ACOXL: variants seen among roughly 807,000 people sequenced by gnomAD.
The protein encoded by ACOXL is acyl-coenzyme A oxidase-like protein.
Under a neutral mutation model 71.9 loss-of-function variants are expected in ACOXL, and 70 were observed. The observed-to-expected ratio is 0.97, with a 90% CI of 0.80 to 1.19. The LOEUF (loss-of-function observed/expected upper bound fraction) is 1.19, where lower values mean the gene tolerates loss of function less well. ACOXL is among the 50% of genes most tolerant of loss of function. The pLI is 0.00. For missense variants in ACOXL, 703 were observed against 736.3 expected, an observed-to-expected ratio of 0.95 and a Z score of 0.52; for synonymous variants, 253 against 281.6, an observed-to-expected ratio of 0.90 and a Z score of 1.02.
chr2:111,056,878 G>A (rs140877105), intron 16 of ACOXL, among the ~76,000 whole-genome samples: 1 of 152,202 alleles, frequency 6.6e-6, no homozygotes, highest in East Asian at 1.9e-4. Context: ...TCTGGACGCA[G>A]CTGGCATGGT....
intron 10 of ACOXL, among the ~76,000 whole-genome samples, chr2:110,886,380 C>CTTTTT (rs751607372): frequency 2.3e-5 from 3 of 131,472 alleles, no homozygotes; most frequent in Non-Finnish European, 3.2e-5. Flanking sequence ...CCTTCTTTTT[C>CTTTTT]TTTTTTTTTT....
intron 15 of ACOXL, among the ~76,000 whole-genome samples, chr2:111,041,520 G>A (rs1558902614): frequency 6.6e-6 from 1 of 152,168 alleles, no homozygotes; most frequent in Non-Finnish European, 1.5e-5. Context: ...ACAGAGCCGG[G>A]CCATGGGGAG....
At chr2:110,913,756 G>A (rs1484707321) in intron 11 of ACOXL, among the ~76,000 whole-genome samples, 1 of 152,112 alleles carries the variant, frequency 6.6e-6, no homozygotes, top group Non-Finnish European at 1.5e-5. Context: ...GTCTCCGGGA[G>A]CTTTTATTCA....
intron 11 of ACOXL, among the ~76,000 whole-genome samples, chr2:110,919,692 A>T (rs1245775628): frequency 6.6e-6 from 1 of 152,094 alleles, no homozygotes; most frequent in Non-Finnish European, 1.5e-5. Flanking sequence ...CCTCCCACCA[A>T]ATTCCCTTGT....
intron 10 of ACOXL, among the ~76,000 whole-genome samples, chr2:110,900,117 AC>A (rs1656814758): frequency 7.5e-6 from 1 of 133,114 alleles, no homozygotes; most frequent in Non-Finnish European, 1.7e-5. Context: ...ACACACACAC[AC>A]ACACACACAC....
chr2:111,113,605 G>C (rs561782643), intron 17 of ACOXL, among the ~76,000 whole-genome samples: 4 of 152,312 alleles, frequency 2.6e-5, no homozygotes, highest in Non-Finnish European at 4.4e-5. Flanking sequence ...CTTGGCAAAG[G>C]CTGGAGTAAC....
rs78593039 is a variant in ACOXL, at chr2:110,939,575, C to T, written c.1059+5933C>T. Among the ~76,000 whole-genome samples, 1,444 of 152,222 alleles carry T rather than the reference C, an allele frequency of 9.5e-3. 12 individuals carry two copies. Among genetic ancestry groups the T allele is most frequent in the Middle Eastern group, 0.051 (15 of 294 alleles). Reference sequence around the variant, plus strand: ...TTCCTCAGCTTATGTAAAATTGTTCCATTATTATAAACAACACTATAGAAA... The same window carrying T: ...TTCCTCAGCTTATGTAAAATTGTTCTATTATTATAAACAACACTATAGAAA... On this transcript the variant is annotated intron_variant, in intron 12 of 17. Coordinates refer to ENST00000439055, the MANE Select transcript of ACOXL (RefSeq NM_001142807.4).
intron 12 of ACOXL, among the ~76,000 whole-genome samples, chr2:110,973,103 G>C (rs2062286289): frequency 6.6e-6 from 1 of 152,210 alleles, no homozygotes; most frequent in Non-Finnish European, 1.5e-5. Context: ...GGTGCCATAA[G>C]ATAAAGCATA....
At chr2:110,850,050 A>C (rs1692414724) in intron 10 of ACOXL, among the ~76,000 whole-genome samples, 1 of 152,256 alleles carries the variant, frequency 6.6e-6, no homozygotes, top group African/African-American at 2.4e-5. Context: ...TTGGACATCC[A>C]TATAAAAATT....
At chr2:110,784,242 C>T (rs983725945) in intron 2 of ACOXL, among the ~76,000 whole-genome samples, 4 of 151,362 alleles carry the variant, frequency 2.6e-5, no homozygotes, top group African/African-American at 4.9e-5. Flanking sequence ...GGCAACATAG[C>T]GAGACCCTGT....
At chr2:111,065,749 G>A (rs541152955) in intron 16 of ACOXL, among the ~76,000 whole-genome samples, 2 of 152,250 alleles carry the variant, frequency 1.3e-5, no homozygotes, top group East Asian at 1.9e-4. Context: ...GGCAAATAAC[G>A]CATGAAAAGA....
chr2:110,804,530 C>T (rs1281552252), intron 8 of ACOXL, among the ~76,000 whole-genome samples: 1 of 152,054 alleles, frequency 6.6e-6, no homozygotes, highest in Non-Finnish European at 1.5e-5. Flanking sequence ...AAATTATACA[C>T]AAATGTCCAT....
At position 110,768,952 on chromosome 2, in the gene ACOXL, A is replaced by G. The variant is rs1393830662; in HGVS notation, c.75+488A>G. On this transcript the variant is annotated intron_variant, in intron 2 of 17. Coordinates refer to ENST00000439055, the MANE Select transcript of ACOXL (RefSeq NM_001142807.4). Reference sequence around the variant, plus strand: ...CTTCCTCAGGCCCCTTTTCTGCCCCACTCCCACTAACCTAACAAACCCTTT... The same window carrying G: ...CTTCCTCAGGCCCCTTTTCTGCCCCGCTCCCACTAACCTAACAAACCCTTT... Among the ~76,000 whole-genome samples, 4 of 146,628 alleles carry G rather than the reference A, an allele frequency of 2.7e-5. No individual in the cohort carries two copies. In the East Asian group the frequency reaches 8.0e-4, roughly 29 times the overall value.
At chr2:110,829,444 A>G (rs1426648313) in intron 9 of ACOXL, among the ~76,000 whole-genome samples, 1 of 152,148 alleles carries the variant, frequency 6.6e-6, no homozygotes. Context: ...TCTTCTGAGG[A>G]AGAGAGAGCT....
intron 7 of ACOXL, among the ~76,000 whole-genome samples, chr2:110,801,027 A>G (rs563770702): frequency 1.3e-5 from 2 of 152,196 alleles, no homozygotes; most frequent in Non-Finnish European, 1.5e-5. Context: ...GTTTTCCCCT[A>G]GGTTAAATCT....
At chr2:111,054,585 G>T (rs2066441717) in intron 16 of ACOXL, among the ~76,000 whole-genome samples, 1 of 152,176 alleles carries the variant, frequency 6.6e-6, no homozygotes, top group Non-Finnish European at 1.5e-5. Context: ...TTTCTTACCA[G>T]CCAAGTATGA....
chr2:110,742,176 A>G (rs1187739859), intron 1 of ACOXL, among the ~76,000 whole-genome samples: 3 of 152,330 alleles, frequency 2.0e-5, no homozygotes, highest in African/African-American at 4.8e-5. Flanking sequence ...AACACAAGTC[A>G]TAGGAGAACA....
At chr2:110,834,549 C>G (rs1690222306) in intron 9 of ACOXL, among the ~76,000 whole-genome samples, 1 of 152,252 alleles carries the variant, frequency 6.6e-6, no homozygotes, top group African/African-American at 2.4e-5. Context: ...GTGGGGCACA[C>G]ACACACAAGT....
chr2:111,051,144 G>C (rs1250071458), intron 16 of ACOXL, among the ~76,000 whole-genome samples: 2 of 152,184 alleles, frequency 1.3e-5, no homozygotes, highest in African/African-American at 4.8e-5. Context: ...ATCAAAGAAA[G>C]AAGTTTCACT....
Sources: gnomAD v4.1 joint callset for allele counts (sites outside exome capture counted in the v4.1 genomes callset) on GRCh38, gnomAD v4.1.1 for gene constraint, MANE v1.5 for transcripts, NCBI Gene and HGNC (gene_info 2026-07-23, HGNC 2026-07-21) for gene names.